Variants in DGKB observed in about 807,000 individuals in gnomAD.
DGKB encodes diacylglycerol kinase beta.
A neutral mutation model predicts 114.3 loss-of-function variants in DGKB; 67 were observed. The ratio of observed to expected loss-of-function variants is 0.59; its 90% confidence interval spans 0.48 to 0.72. The LOEUF is 0.72. Among genes scored for constraint, DGKB ranks in the 30% least tolerant of loss-of-function variants. DGKB has a pLI of 0.00. For synonymous variants in DGKB, 398 were observed against 323.1 expected (o/e 1.23, Z -2.49); for missense variants, 907 against 975.2 (o/e 0.93, Z 0.93).
intron 23 of DGKB, among the ~76,000 whole-genome samples, chr7:14,188,042 C>A (rs965236075): frequency 8.6e-5 from 13 of 151,690 alleles, no homozygotes; most frequent in African/African-American, 2.7e-4. Flanking sequence ...CAGAAATATT[C>A]AATGAATGAA....
rs558871018 is a variant in DGKB at position 14,145,993 on chromosome 7, A to G, written c.*3138T>C. 4.6e-5 allele frequency: 7 copies of G among 152,332 alleles called. No individual in the cohort carries two copies. Among genetic ancestry groups the G allele is most frequent in the African/African-American group, 1.7e-4 (7 of 41,584 alleles). The allele number at this position is 152,332 out of a possible 1,614,324, so 9.4% of individuals were successfully genotyped here. On this transcript the variant is annotated 3_prime_UTR_variant, in exon 26 of 26. Coordinates refer to ENST00000402815, the MANE Select transcript of DGKB (RefSeq NM_001350709.2). ...TGATTCATTAGCCCTCACTGGATTT[A>G]AATTTCTGTCTGCAGTAGACTAGGC...
intron 21 of DGKB, among the ~76,000 whole-genome samples, chr7:14,464,080 A>T (rs1029335535): frequency 2.6e-5 from 4 of 151,842 alleles, no homozygotes; most frequent in Non-Finnish European, 4.4e-5. Context: ...AAGCAATAGA[A>T]TTTTTTTGTA....
intron 21 of DGKB, among the ~76,000 whole-genome samples, chr7:14,459,332 T>A (rs1011933610): frequency 1.3e-5 from 2 of 151,968 alleles, no homozygotes; most frequent in Non-Finnish European, 2.9e-5. Context: ...TCTAACCCAA[T>A]GCAAGGAAGC....
intron 20 of DGKB, among the ~76,000 whole-genome samples, chr7:14,502,602 T>A (rs930473636): frequency 3.9e-5 from 6 of 152,236 alleles, no homozygotes; most frequent in African/African-American, 1.4e-4. Flanking sequence ...GGGAAAATAT[T>A]ATGTTTACAA....
At chr7:14,375,392 G>A (rs971259689) in intron 21 of DGKB, among the ~76,000 whole-genome samples, 11 of 151,876 alleles carry the variant, frequency 7.2e-5, no homozygotes, top group African/African-American at 2.7e-4. Context: ...TAATGAACAT[G>A]TACTATGTGC....
intron 1 of DGKB, among the ~76,000 whole-genome samples, chr7:14,890,709 TCTC>T (rs1324712361): frequency 1.3e-5 from 2 of 151,210 alleles, no homozygotes; most frequent in Non-Finnish European, 3.0e-5. Flanking sequence ...AATCACCTAT[TCTC>T]CTCACGTGTG....
intron 23 of DGKB, among the ~76,000 whole-genome samples, chr7:14,232,157 T>C (rs1791966593): frequency 6.6e-6 from 1 of 151,914 alleles, no homozygotes; most frequent in Non-Finnish European, 1.5e-5. Context: ...AAGAGTAATA[T>C]AAGAGGATTA....
intron 2 of DGKB, among the ~76,000 whole-genome samples, chr7:14,763,747 G>A (rs1836049464): frequency 6.6e-6 from 1 of 152,038 alleles, no homozygotes; most frequent in African/African-American, 2.4e-5. Flanking sequence ...TAGCTGCTGT[G>A]AGAAGACTAT....
At position 14,810,738 on chromosome 7, in the gene DGKB, A is replaced by G. The variant is rs117176667; in HGVS notation, c.70+30456T>C. ...ATTCGTGTGTCCCAGCCTCTCAAGT[A>G]GCTGGGACTACAGGCATGCGCCACC... On this transcript the variant is annotated intron_variant, in intron 2 of 25. Transcript: ENST00000402815. Among the ~76,000 whole-genome samples, 23 of 152,200 alleles carry G rather than the reference A, an allele frequency of 1.5e-4. No individual in the cohort carries two copies. In the East Asian group the frequency reaches 3.1e-3, roughly 21 times the overall value.
intron 21 of DGKB, among the ~76,000 whole-genome samples, chr7:14,447,694 A>G (rs1393693530): frequency 1.3e-5 from 2 of 152,140 alleles, no homozygotes; most frequent in Non-Finnish European, 2.9e-5. Context: ...AAAATGTTCA[A>G]AACACTTCTA....
At chr7:14,810,793 G>C (rs1198651901) in intron 2 of DGKB, among the ~76,000 whole-genome samples, 1 of 152,114 alleles carries the variant, frequency 6.6e-6, no homozygotes, top group African/African-American at 2.4e-5. Flanking sequence ...ATTTTTGGTA[G>C]AGATGCTGTT....
intron 23 of DGKB, among the ~76,000 whole-genome samples, chr7:14,234,256 A>G (rs61492137): frequency 0.014 from 2,098 of 152,172 alleles, 46 homozygotes; most frequent in African/African-American, 0.048. Context: ...GTGCTAATTG[A>G]CCAAGGAATG....
chr7:14,636,061 T>C (rs1171160581), intron 13 of DGKB, among the ~76,000 whole-genome samples: 1 of 151,782 alleles, frequency 6.6e-6, no homozygotes, highest in East Asian at 1.9e-4. Context: ...TGTTCTTGTC[T>C]TTTGCTCCTT....
In DGKB at chr7:14,170,201, G is replaced by GAAAGAAAGAAAGAAAGAAAT. The variant is rs1554272246; in HGVS notation, c.2304+6637_2304+6638insATTTCTTTCTTTCTTTCTTT. Reference sequence around the variant, plus strand: ...AGAAAGAAAGAAAGAAAGAAAGAAAGAAATACATTAAGCCTCTGAAGAGTG... The same window carrying GAAAGAAAGAAAGAAAGAAAT: ...AGAAAGAAAGAAAGAAAGAAAGAAAGAAAGAAAGAAAGAAAGAAATAAATACATTAAGCCTCTGAAGAGTG... On this transcript the variant is annotated intron_variant, in intron 25 of 25. Coordinates refer to ENST00000402815, the MANE Select transcript of DGKB (RefSeq NM_001350709.2). 7.7e-5 allele frequency among the ~76,000 whole-genome samples: 11 copies of GAAAGAAAGAAAGAAAGAAAT among 142,734 alleles called. 1 individual carries two copies. In the South Asian group the frequency reaches 1.1e-3, roughly 15 times the overall value. The allele number at this position is 142,734 out of a possible 152,430, so 93.6% of individuals were successfully genotyped here.
At chr7:14,332,753 A>C (rs1193995073) in intron 23 of DGKB, among the ~76,000 whole-genome samples, 1 of 152,188 alleles carries the variant, frequency 6.6e-6, no homozygotes, top group Non-Finnish European at 1.5e-5. Context: ...CCATCAGTGG[A>C]GTCCTTGCTG....
intron 1 of DGKB, among the ~76,000 whole-genome samples, chr7:14,865,648 C>T (rs1021964704): frequency 6.6e-6 from 1 of 152,124 alleles, no homozygotes; most frequent in African/African-American, 2.4e-5. Context: ...GGTGGATTCT[C>T]TGTAGAATAT....
At chr7:14,268,232 A>AC (rs1054575183) in intron 23 of DGKB, among the ~76,000 whole-genome samples, 105 of 132,662 alleles carry the variant, frequency 7.9e-4, no homozygotes, top group Non-Finnish European at 1.4e-3. Flanking sequence ...CACACACACC[A>AC]CACACACACA....
chr7:14,372,481 T>G (rs1310994100), intron 21 of DGKB, among the ~76,000 whole-genome samples: 1 of 152,110 alleles, frequency 6.6e-6, no homozygotes, highest in African/African-American at 2.4e-5. Flanking sequence ...GAGGAGCACA[T>G]GTACATCACT....
At chr7:14,765,236 T>C (rs1470336844) in intron 2 of DGKB, among the ~76,000 whole-genome samples, 4 of 151,958 alleles carry the variant, frequency 2.6e-5, no homozygotes, top group Non-Finnish European at 5.9e-5. Flanking sequence ...CACCACAGGA[T>C]TCTGGGAAAA....
Sources: gnomAD v4.1 joint callset for allele counts (sites outside exome capture counted in the v4.1 genomes callset) on GRCh38, gnomAD v4.1.1 for gene constraint, MANE v1.5 for transcripts, NCBI Gene and HGNC (gene_info 2026-07-23, HGNC 2026-07-21) for gene names.